The following ADCY2 variants were observed in gnomAD, a reference collection of about 807,000 sequenced individuals.
The protein encoded by ADCY2 is adenylate cyclase type 2.
A neutral mutation model predicts 125.2 loss-of-function variants in ADCY2; 31 were observed. That is an observed-to-expected ratio of 0.25 (90% CI 0.19 to 0.33). The LOEUF (loss-of-function observed/expected upper bound fraction) is 0.33. Among genes scored for constraint, ADCY2 ranks in the 10% least tolerant of loss-of-function variants. The pLI, the probability that ADCY2 is intolerant of heterozygous loss-of-function variation, is 1.00. For missense variants in ADCY2, 904 were observed against 1,418.2 expected, an observed-to-expected ratio of 0.64 and a Z score of 5.82; for synonymous variants, 512 against 548.4, an observed-to-expected ratio of 0.93 and a Z score of 0.93.
At chr5:7,511,408 T>C (rs1204687415) in intron 2 of ADCY2, among the ~76,000 whole-genome samples, 2 of 151,944 alleles carry the variant, frequency 1.3e-5, no homozygotes, top group African/African-American at 4.8e-5. Flanking sequence ...ACCCCGTCTC[T>C]ACTAAAAATA....
intron 3 of ADCY2, among the ~76,000 whole-genome samples, chr5:7,609,907 C>T (rs1188729611): frequency 6.6e-6 from 1 of 152,152 alleles, no homozygotes; most frequent in Non-Finnish European, 1.5e-5. Flanking sequence ...GAGAGCCAGG[C>T]ATGAGATTGC....
intron 15 of ADCY2, among the ~76,000 whole-genome samples, chr5:7,753,099 A>G (rs1742877008): frequency 6.6e-6 from 1 of 151,986 alleles, no homozygotes; most frequent in East Asian, 1.9e-4. Flanking sequence ...GGGTTTCACC[A>G]TGTTGGCCAG....
At chr5:7,727,037 C>T in intron 13 of ADCY2, 127 bp from the exon 14 acceptor site, 1 of 654,784 alleles carries the variant, frequency 1.5e-6, no homozygotes, top group Non-Finnish European at 2.6e-6. Context: ...CTCCTTAGCT[C>T]ACGTTGGCTG....
chr5:7,625,261 T>C (rs554925679), intron 3 of ADCY2, among the ~76,000 whole-genome samples: 1 of 152,344 alleles, frequency 6.6e-6, no homozygotes, highest in African/African-American at 2.4e-5. Flanking sequence ...ATTTAAAATG[T>C]TGTTTCTACA....
At chr5:7,688,238 G>A (rs1740588295) in intron 4 of ADCY2, among the ~76,000 whole-genome samples, 1 of 151,512 alleles carries the variant, frequency 6.6e-6, no homozygotes, top group Non-Finnish European at 1.5e-5. Context: ...TCATGTCTGA[G>A]GATATGACCA....
chr5:7,813,389 A>G (rs965749996), intron 22 of ADCY2, among the ~76,000 whole-genome samples: 18 of 152,246 alleles, frequency 1.2e-4, no homozygotes, highest in African/African-American at 4.1e-4. Flanking sequence ...CACTTGGGTT[A>G]TAAAATCATC....
At chr5:7,680,088 G>A (rs1441981747) in intron 4 of ADCY2, among the ~76,000 whole-genome samples, 1 of 152,146 alleles carries the variant, frequency 6.6e-6, no homozygotes, top group African/African-American at 2.4e-5. Flanking sequence ...GGGGAAATTA[G>A]TTAGGTTAAA....
intron 20 of ADCY2, among the ~76,000 whole-genome samples, chr5:7,793,191 G>A (rs1434928307): frequency 6.6e-6 from 1 of 152,182 alleles, no homozygotes; most frequent in Non-Finnish European, 1.5e-5. Flanking sequence ...GCTCAGGCCT[G>A]TAATCTCAGC....
rs546635707 is a variant in ADCY2, at chr5:7,612,929, T to G, written c.571-13238T>G. 2.6e-4 allele frequency among the ~76,000 whole-genome samples: 40 copies of G among 152,146 alleles called. No homozygotes were observed. The East Asian group carries it at 7.4e-3, about 28-fold the overall frequency. The stretch of plus-strand genomic sequence containing the variant: ...TACTTGGGAGGCTGAGGTAGGAGAA[T>G]GGCGTGAACCCGGGAGGCGGAGCTT... On this transcript the variant is annotated intron_variant, in intron 3 of 24. Transcript: ENST00000338316.
chr5:7,585,942 T>G (rs1412073532), intron 3 of ADCY2, among the ~76,000 whole-genome samples: 1 of 152,256 alleles, frequency 6.6e-6, no homozygotes, highest in Non-Finnish European at 1.5e-5. Context: ...GCTGTACTCC[T>G]TAAATATATA....
At chr5:7,557,198 T>TAGAG (rs1430642315) in intron 3 of ADCY2, among the ~76,000 whole-genome samples, 18 of 147,462 alleles carry the variant, frequency 1.2e-4, no homozygotes, top group Non-Finnish European at 2.3e-4. Flanking sequence ...ATGTGATATA[T>TAGAG]ATAACTCAAG....
chr5:7,523,489 C>T (rs1226193871), intron 3 of ADCY2, among the ~76,000 whole-genome samples: 1 of 152,102 alleles, frequency 6.6e-6, no homozygotes, highest in African/African-American at 2.4e-5. Flanking sequence ...AGGAACAACA[C>T]CCAAAAGAAC....
intron 12 of ADCY2, among the ~76,000 whole-genome samples, chr5:7,717,690 G>C (rs1741630956): frequency 6.6e-6 from 1 of 152,188 alleles, no homozygotes; most frequent in Non-Finnish European, 1.5e-5. Context: ...GACTGATTTT[G>C]GGGGCACAAA....
At chr5:7,478,225 T>C (rs904601748) in intron 2 of ADCY2, among the ~76,000 whole-genome samples, 5 of 152,216 alleles carry the variant, frequency 3.3e-5, no homozygotes, top group African/African-American at 1.2e-4. Context: ...CTCTCTGAAC[T>C]GTTGGGTACA....
intron 4 of ADCY2, among the ~76,000 whole-genome samples, chr5:7,630,310 T>C (rs1738272490): frequency 6.6e-6 from 1 of 152,220 alleles, no homozygotes; most frequent in Non-Finnish European, 1.5e-5. Flanking sequence ...TAGCAGGTAT[T>C]ATAACGGCTT....
chr5:7,595,375 G>C (rs1736974557), intron 3 of ADCY2, among the ~76,000 whole-genome samples: 1 of 152,050 alleles, frequency 6.6e-6, no homozygotes, highest in Non-Finnish European at 1.5e-5. Context: ...CCTTTGTTGT[G>C]TTAATGTTTA....
intron 4 of ADCY2, among the ~76,000 whole-genome samples, chr5:7,652,082 G>T (rs180798504): frequency 6.6e-6 from 1 of 152,268 alleles, no homozygotes; most frequent in African/African-American, 2.4e-5. Flanking sequence ...GATTACAGGC[G>T]TGAGCCCCCG....
At chr5:7,570,211 G>A (rs1348835040) in intron 3 of ADCY2, among the ~76,000 whole-genome samples, 4 of 151,880 alleles carry the variant, frequency 2.6e-5, no homozygotes, top group Non-Finnish European at 4.4e-5. Flanking sequence ...TATTTCTAGG[G>A]GCAAAATGAA....
chr5:7,761,106 AT>A (rs1560959223), intron 16 of ADCY2, among the ~76,000 whole-genome samples: 2 of 135,312 alleles, frequency 1.5e-5, no homozygotes, highest in African/African-American at 5.5e-5. Context: ...ATAATATTCC[AT>A]TGTGTATGTG....
Sources: gnomAD v4.1 joint callset for allele counts (sites outside exome capture counted in the v4.1 genomes callset) on GRCh38, gnomAD v4.1.1 for gene constraint, MANE v1.5 for transcripts, NCBI Gene and HGNC (gene_info 2026-07-23, HGNC 2026-07-21) for gene names.